ACOX3: variants seen among roughly 807,000 people sequenced by gnomAD.
ACOX3 encodes peroxisomal acyl-coenzyme A oxidase 3.
In ACOX3, 73 loss-of-function variants were observed where a neutral mutation model predicts 81.5. The ratio of observed to expected loss-of-function variants is 0.90; its 90% CI spans 0.74 to 1.09. The LOEUF (loss-of-function observed/expected upper bound fraction) is 1.09. Ranked by LOEUF, ACOX3 falls within the 50% of genes least tolerant of loss-of-function variation. ACOX3 has a pLI of 0.00. For synonymous variants in ACOX3, 387 were observed against 375.1 expected (o/e 1.03, Z -0.37); for missense variants, 947 against 928.0 (o/e 1.02, Z -0.27).
chr4:8,392,558 T>C (rs1184684893), intron 10 of ACOX3, 105 bp from the exon 11 acceptor site: 14 of 1,255,476 alleles, frequency 1.1e-5, no homozygotes, highest in African/African-American at 1.5e-5. Context: ...TCTAGTCTAA[T>C]ACAAGACATC....
rs377288580 is a variant in ACOX3, at chr4:8,377,045, C to T, written c.1654-1893G>A. On this transcript the variant is annotated intron_variant, in intron 14 of 17. Transcript: ENST00000356406. ...CACCTTCCATGAAACAAGCGGGTGA[C>T]GGCATCTGCACCCCCGTAGGCTGCT... 1.2e-4 allele frequency among the ~76,000 whole-genome samples: 18 copies of T among 152,104 alleles called. 1 individual carries two copies. The South Asian group carries it at 2.7e-3, about 23-fold the overall frequency.
Position 8,368,331 on chromosome 4 carries a change from G to T in ACOX3, c.1984-1251C>A, listed in dbSNP as rs144109948. ...AGAGACGCTCCTGTCTTGGAGGAAG[G>T]TTGTACAAATGAAGGGCGAAGGGCA... On this transcript the variant is annotated intron_variant, in intron 17 of 17. Transcript: ENST00000356406. The surrounding 1 kb of genome is among the most constrained non-coding windows in gnomAD (Gnocchi z 5.9). Among the ~76,000 whole-genome samples the T allele has an allele frequency of 6.7e-4, 102 of 152,344 alleles. No individual in the cohort carries two copies. The highest frequency in any genetic ancestry group is 3.4e-3 in the Middle Eastern group (1 of 294).
At position 8,381,288 on chromosome 4, in the gene ACOX3, C is replaced by T. The variant is rs1717618849; in HGVS notation, c.1653+204G>A. ...ACGGTAAATGTAACATCCATGACCT[C>T]CCCAGCCCAGCAAGACAGGTGCTGC... On this transcript the variant is annotated intron_variant, in intron 14 of 17. Coordinates refer to ENST00000356406, the MANE Select transcript of ACOX3 (RefSeq NM_003501.3). The surrounding 1 kb of genome is among the most constrained non-coding windows in gnomAD (Gnocchi z 4.3). Among the ~76,000 whole-genome samples the T allele has an allele frequency of 6.6e-6, 1 of 152,150 alleles. No homozygotes were observed. Among genetic ancestry groups the T allele is most frequent in the Non-Finnish European group, 1.5e-5 (1 of 68,020 alleles).
Position 8,416,023 on chromosome 4 carries a change from G to C in ACOX3, c.145-24C>G. The C allele has an allele frequency of 1.2e-6, 2 of 1,604,724 alleles. No individual in the cohort carries two copies. Among genetic ancestry groups the C allele is most frequent in the Non-Finnish European group, 1.7e-6 (2 of 1,171,912 alleles). Reference sequence around the variant, plus strand: ...TTCTGGAAATGCAGGAGATGGGTAAGGCTTATTTGGAGTAAAAGATGGACT... The same window carrying C: ...TTCTGGAAATGCAGGAGATGGGTAACGCTTATTTGGAGTAAAAGATGGACT... On this transcript the variant is annotated intron_variant, in intron 2 of 17. Coordinates refer to ENST00000356406, the MANE Select transcript of ACOX3 (RefSeq NM_003501.3). The surrounding 1 kb of genome is among the most constrained non-coding windows in gnomAD (Gnocchi z 4.2).
chr4:8,375,175 G>T, intron 14 of ACOX3, 23 bp from the exon 15 acceptor site: 1 of 1,511,790 alleles, frequency 6.6e-7, no homozygotes, highest in South Asian at 1.2e-5. Context: ...ACGGCACCGT[G>T]AGGACCGTGA....
At chr4:8,372,378 G>A (rs1027195837) in intron 16 of ACOX3, among the ~76,000 whole-genome samples, 32 of 152,302 alleles carry the variant, frequency 2.1e-4, no homozygotes, top group African/African-American at 7.5e-4. Context: ...GGGATTACAG[G>A]AATGAGCCAC....
intron 13 of ACOX3, among the ~76,000 whole-genome samples, chr4:8,388,082 G>A (rs1188816822): frequency 1.3e-5 from 2 of 152,232 alleles, no homozygotes; most frequent in Non-Finnish European, 2.9e-5. Flanking sequence ...TGCTCACATC[G>A]AGATGAGCTC....
chr4:8,394,315 T>C lies in ACOX3; in HGVS notation c.1179+305A>G, dbSNP rs1222588129. Among the ~76,000 whole-genome samples, 1 of 152,134 alleles carries C rather than the reference T, an allele frequency of 6.6e-6. No homozygotes were observed. The highest frequency in any genetic ancestry group is 1.5e-5 in the Non-Finnish European group (1 of 68,034). On this transcript the variant is annotated intron_variant, in intron 10 of 17. Coordinates refer to ENST00000356406, the MANE Select transcript of ACOX3 (RefSeq NM_003501.3). This position sits in a 1 kb window ranked among gnomAD's most constrained non-coding sequence, Gnocchi z 5.9. ...AAAGGCTCAGAACCATGAAATCCACTGAGGGGCGGGTAACGTGGATTTTGC... is the reference window on the plus strand; with the variant it reads ...AAAGGCTCAGAACCATGAAATCCACCGAGGGGCGGGTAACGTGGATTTTGC...
chr4:8,376,084 T>C (rs747437666), intron 14 of ACOX3, among the ~76,000 whole-genome samples: 4 of 152,134 alleles, frequency 2.6e-5, no homozygotes, highest in Admixed American at 2.0e-4. Context: ...CTCTGAGAAA[T>C]TGCCAAGCTG....
intron 1 of ACOX3, among the ~76,000 whole-genome samples, chr4:8,438,217 C>T (rs1018371529): frequency 6.6e-6 from 1 of 152,182 alleles, no homozygotes; most frequent in Non-Finnish European, 1.5e-5. Flanking sequence ...AAGACATTAT[C>T]CCCAGGTTTA....
chr4:8,389,793 C>T lies in ACOX3; in HGVS notation c.1301-59G>A. The T allele has an allele frequency of 1.3e-6, 2 of 1,598,644 alleles. No individual in the cohort carries two copies. The highest frequency in any genetic ancestry group is 3.3e-5 in the Admixed American group (2 of 59,760). ...GACGCATATTTGAGAAGCAGCCTGT[C>T]ACTATGTGAGAATTTAAAAAGCCTT... On this transcript the variant is annotated intron_variant, in intron 11 of 17. Coordinates refer to ENST00000356406, the MANE Select transcript of ACOX3 (RefSeq NM_003501.3). This position sits in a 1 kb window ranked among gnomAD's most constrained non-coding sequence, Gnocchi z 5.3.
chr4:8,406,732 C>T lies in ACOX3; in HGVS notation c.688-689G>A, dbSNP rs553140979. Reference sequence around the variant, plus strand: ...AGGAGACAGAGAGAAAGACAGCTTACGCCATTATTTCTGCTTATTAGAGAC... The same window carrying T: ...AGGAGACAGAGAGAAAGACAGCTTATGCCATTATTTCTGCTTATTAGAGAC... On this transcript the variant is annotated intron_variant, in intron 6 of 17. Transcript: ENST00000356406. The surrounding 1 kb of genome is among the most constrained non-coding windows in gnomAD (Gnocchi z 5.6). 4.0e-4 allele frequency among the ~76,000 whole-genome samples: 61 copies of T among 151,762 alleles called. No homozygotes were observed. The highest frequency in any genetic ancestry group is 1.4e-3 in the African/African-American group (57 of 41,482).
chr4:8,439,982 G>T (rs1398143151), intron 1 of ACOX3, among the ~76,000 whole-genome samples: 1 of 152,124 alleles, frequency 6.6e-6, no homozygotes. Context: ...GCACCACCAC[G>T]TGGCCCTAGG....
intron 7 of ACOX3, among the ~76,000 whole-genome samples, chr4:8,404,700 G>GA (rs1297712429): frequency 6.6e-6 from 1 of 152,180 alleles, no homozygotes; most frequent in Admixed American, 6.5e-5. Flanking sequence ...TCCCTCTGGA[G>GA]ACAACCTGGT....
chr4:8,372,970 C>T (rs1716410889), intron 16 of ACOX3, among the ~76,000 whole-genome samples: 2 of 152,204 alleles, frequency 1.3e-5, no homozygotes, highest in South Asian at 2.1e-4. Flanking sequence ...CAGCGGCTGC[C>T]GTGCTAAACA....
chr4:8,367,815 A>T, intron 17 of ACOX3, among the ~76,000 whole-genome samples: 1 of 132,876 alleles, frequency 7.5e-6, no homozygotes, highest in African/African-American at 3.3e-5. Flanking sequence ...ACAAAAAAAA[A>T]AAAAAAAAAA....
Position 8,423,791 on chromosome 4 carries a change from C to T in ACOX3, c.-14-7256G>A, listed in dbSNP as rs1270189883. Among the ~76,000 whole-genome samples the T allele has an allele frequency of 1.3e-5, 2 of 152,208 alleles. No homozygotes were observed. The highest frequency in any genetic ancestry group is 2.9e-5 in the Non-Finnish European group (2 of 68,042). On this transcript the variant is annotated intron_variant, in intron 1 of 17. Coordinates refer to ENST00000356406, the MANE Select transcript of ACOX3 (RefSeq NM_003501.3). This position sits in a 1 kb window ranked among gnomAD's most constrained non-coding sequence, Gnocchi z 4.2. ...CAATTCTTGCTTGCCTTTGAAGATCCTTTGAATCTAATGTCTCAACACACC... is the reference window on the plus strand; with the variant it reads ...CAATTCTTGCTTGCCTTTGAAGATCTTTTGAATCTAATGTCTCAACACACC...
At chr4:8,398,208 AG>A (rs1331200386) in intron 8 of ACOX3, among the ~76,000 whole-genome samples, 1 of 152,174 alleles carries the variant, frequency 6.6e-6, no homozygotes, top group Non-Finnish European at 1.5e-5. Flanking sequence ...TTTTCCTTTA[AG>A]GGTATAAAAT....
At chr4:8,376,869 T>C (rs1311242733) in intron 14 of ACOX3, among the ~76,000 whole-genome samples, 2 of 150,768 alleles carry the variant, frequency 1.3e-5, no homozygotes. Flanking sequence ...TAGGTAGGAC[T>C]AGCACCCAAA....
Sources: allele counts gnomAD v4.1 joint callset (sites outside exome capture counted in the v4.1 genomes callset), GRCh38; gene constraint gnomAD v4.1.1; non-coding constraint Gnocchi (gnomAD v3.1); transcripts MANE v1.5; gene names NCBI Gene and HGNC (gene_info 2026-07-23, HGNC 2026-07-21).